The following SLC17A7 variants were observed in gnomAD, a reference collection of about 807,000 sequenced individuals.
The protein encoded by SLC17A7 is vesicular glutamate transporter 1.
In SLC17A7, 15 loss-of-function variants were observed where a neutral mutation model predicts 59.1. That is an observed-to-expected ratio of 0.25 (90% CI 0.17 to 0.39). The LOEUF (loss-of-function observed/expected upper bound fraction) is 0.39, where lower values mean the gene tolerates loss of function less well. SLC17A7 is among the 10% of genes least tolerant of loss of function. The pLI is 1.00. For synonymous variants in SLC17A7, 353 were observed against 308.9 expected (o/e 1.14, Z -1.50); for missense variants, 499 against 765.1 (o/e 0.65, Z 4.10).
intron 3 of SLC17A7, 71 bp downstream of exon 3, chr19:49,435,097 T>G: frequency 7.9e-7 from 1 of 1,264,074 alleles, no homozygotes; most frequent in Non-Finnish European, 1.1e-6. Context: ...GCCCGCAAAT[T>G]CAAGACCACG....
chr19:49,433,434 C>T lies in SLC17A7; in HGVS notation c.867+292G>A. The stretch of plus-strand genomic sequence containing the variant: ...ATCAAAAATGCTCCCAAAATACAGC[C>T]TCAACTCAAGGTCTAAGCAAAACCC... On this transcript the variant is annotated intron_variant, in intron 7 of 11. Coordinates refer to ENST00000221485, the MANE Select transcript of SLC17A7 (RefSeq NM_020309.4). This position sits in a 1 kb window ranked among gnomAD's most constrained non-coding sequence, Gnocchi z 5.7. 1 of 518,304 alleles carries T rather than the reference C, an allele frequency of 1.9e-6. No homozygotes were observed. The highest frequency in any genetic ancestry group is 3.5e-6 in the Non-Finnish European group (1 of 283,078). 32.1% of individuals were successfully genotyped at this position (518,304 alleles called of 1,614,324 possible).
rs1470164149 is a variant in SLC17A7, at chr19:49,432,939, G to A, written c.889C>T (p.Arg297Cys). ...PLTKFSTPWR[R>C]FFTSMPVYAI... is the part of the protein sequence containing the mutation. ...TAGACTGGCATAGACGTGAAGAAGC[G>A]CCGCCAGGGAGTGCTAAACTTCTGT... Residue 297 changes from arginine (R) to cysteine (C), a missense_variant, in exon 8 of 12, where the codon CGC becomes TGC. By Grantham distance (180) the Arg-to-Cys change is radical (BLOSUM62 -3). Coordinates refer to ENST00000221485, the MANE Select transcript of SLC17A7 (RefSeq NM_020309.4). 1.3e-5 allele frequency: 21 copies of A among 1,607,658 alleles called. No homozygotes were observed. The highest frequency in any genetic ancestry group is 1.8e-5 in the Non-Finnish European group (21 of 1,177,322).
rs564487879 is a variant in SLC17A7, at chr19:49,441,214, C to T, written c.62+104G>A. 6 of 1,527,468 alleles carry T rather than the reference C, an allele frequency of 3.9e-6. No homozygotes were observed. The South Asian group carries it at 7.1e-5, about 18-fold the overall frequency. The allele number at this position is 1,527,468 out of a possible 1,614,324, so 94.6% of individuals were successfully genotyped here. A position where few individuals can be genotyped will look rare whatever the true frequency, so the allele number is the denominator to read the frequency against. On this transcript the variant is annotated intron_variant, in intron 1 of 11. Coordinates refer to ENST00000221485, the MANE Select transcript of SLC17A7 (RefSeq NM_020309.4). ...AAAACTGGACAGATGGGTGGACCCC[C>T]ATGCCGGGGTATCGCCCGTTCATCT...
Position 49,431,845 on chromosome 19 carries a change from C to T in SLC17A7, c.1151-397G>A, listed in dbSNP as rs888069483. On this transcript the variant is annotated intron_variant, in intron 9 of 11. Transcript: ENST00000221485. This position sits in a 1 kb window ranked among gnomAD's most constrained non-coding sequence, Gnocchi z 4.6. ...TAAGAGACAAAGTCTCACGACGTTG[C>T]CCAGGCTGGTCTCAAACTCCTGAGC... Among the ~76,000 whole-genome samples, 1 of 152,020 alleles carries T rather than the reference C, an allele frequency of 6.6e-6. No individual in the cohort carries two copies. The highest frequency in any genetic ancestry group is 1.5e-5 in the Non-Finnish European group (1 of 68,006).
In SLC17A7 at chr19:49,436,737, T is replaced by C; in HGVS notation, c.127A>G (p.Thr43Ala). 1.2e-6 allele frequency: 2 copies of C among 1,610,380 alleles called. No homozygotes were observed. Among genetic ancestry groups the C allele is most frequent in the African/African-American group, 1.3e-5 (1 of 74,992 alleles). The part of the protein sequence containing the change: ...LELSADGRPV[T>A]TQTRDPPVVD... ...ACCGGCGGGTCCCGGGTCTGCGTGG[T>C]CACCGGGCGCCCATCCGCACTCAGC... Residue 43 changes from threonine to alanine, a missense_variant, in exon 2 of 12, where the codon ACC becomes GCC. This residue lies in a region of SLC17A7 where 78 missense variants were observed against 80.4 expected (regional missense o/e 0.97). Coordinates refer to ENST00000221485, the MANE Select transcript of SLC17A7 (RefSeq NM_020309.4). This position sits in a 1 kb window ranked among gnomAD's most constrained non-coding sequence, Gnocchi z 4.1.
chr19:49,430,593 G>A lies in SLC17A7; in HGVS notation c.1609C>T (p.Pro537Ser). 6.2e-7 allele frequency: 1 copy of A among 1,612,500 alleles called. No homozygotes were observed. Among genetic ancestry groups the A allele is most frequent in the Non-Finnish European group, 8.5e-7 (1 of 1,179,094 alleles). Residue 537 changes from proline to serine, a missense_variant, in exon 12 of 12, where the codon CCC (proline) becomes TCC (serine). Pro to Ser is a moderately conservative substitution (Grantham distance 74). Transcript: ENST00000221485. ...EAEPPGAPPA[P>S]PPSYGATHST... ...TGTGTGGCCCCATAGGAGGGCGGGGGTGCAGGGGGTGCCCCCGGGGGCTCA... is the reference window on the plus strand; with the variant it reads ...TGTGTGGCCCCATAGGAGGGCGGGGATGCAGGGGGTGCCCCCGGGGGCTCA...
rs1286726255 is a variant in SLC17A7, at chr19:49,433,905, G to T, written c.725-37C>A. The T allele has an allele frequency of 6.2e-7, 1 of 1,612,802 alleles. No homozygotes were observed. The highest frequency in any genetic ancestry group is 1.3e-5 in the African/African-American group (1 of 74,854). Reference sequence around the variant, plus strand: ...AGGAGGGGGATGGGAGCGAGGTGAGGACCGGCCCCGCTCCGCCCCAGCGCC... The same window carrying T: ...AGGAGGGGGATGGGAGCGAGGTGAGTACCGGCCCCGCTCCGCCCCAGCGCC... On this transcript the variant is annotated intron_variant, in intron 6 of 11. Coordinates refer to ENST00000221485, the MANE Select transcript of SLC17A7 (RefSeq NM_020309.4). This position sits in a 1 kb window ranked among gnomAD's most constrained non-coding sequence, Gnocchi z 5.7.
rs1290608009 is a variant in SLC17A7, at chr19:49,434,788, T to A, written c.529A>T (p.Ile177Phe). ...VHYGCVIFVR[I>F]LQGLVEGVTY... ...TTTACCTCTACCAACCCCTGCAGGA[T>A]CCTCACGAAGATGACACAGCCATAG... The change falls in exon 4 of 12, where the codon ATC becomes TTC. Residue 177 changes from isoleucine (I) to phenylalanine (F), a missense_variant. By Grantham distance (21) the Ile-to-Phe change is conservative. Transcript: ENST00000221485. 6.2e-7 allele frequency: 1 copy of A among 1,614,010 alleles called. No homozygotes were observed. Among genetic ancestry groups the A allele is most frequent in the South Asian group, 1.1e-5 (1 of 91,078 alleles).
chr19:49,432,427 G>A, intron 9 of SLC17A7, 92 bp downstream of exon 9: 1 of 1,486,262 alleles, frequency 6.7e-7, no homozygotes, highest in African/African-American at 1.4e-5. Flanking sequence ...AGGCTGGATG[G>A]TTTCCGCCTG....
rs1374351083 is a variant in SLC17A7, at chr19:49,431,483, G to T, written c.1151-35C>A. 3 of 1,575,044 alleles carry T rather than the reference G, an allele frequency of 1.9e-6. No individual in the cohort carries two copies. Among genetic ancestry groups the T allele is most frequent in the South Asian group, 2.2e-5 (2 of 89,944 alleles). On this transcript the variant is annotated intron_variant, in intron 9 of 11. Transcript: ENST00000221485. The surrounding 1 kb of genome is among the most constrained non-coding windows in gnomAD (Gnocchi z 4.6). Reference sequence around the variant, plus strand: ...CGGGGGGGGCCCGCGTCTCCTGAGTGTCGGCCGGAGCAAGGCGCAGGCTGC... The same window carrying T: ...CGGGGGGGGCCCGCGTCTCCTGAGTTTCGGCCGGAGCAAGGCGCAGGCTGC...
chr19:49,433,083 A>G lies in SLC17A7; in HGVS notation c.868-123T>C, dbSNP rs1443328452. 28 of 1,084,332 alleles carry G rather than the reference A, an allele frequency of 2.6e-5. No homozygotes were observed. The highest frequency in any genetic ancestry group is 3.6e-5 in the Non-Finnish European group (27 of 756,708). The allele number at this position is 1,084,332 out of a possible 1,614,324, so 67.2% of individuals were successfully genotyped here. ...GGATCCCGACCGCACTGAAACTTCT[A>G]TGGACCCAAAGGCGCGGGCTACACC... On this transcript the variant is annotated intron_variant, in intron 7 of 11. Coordinates refer to ENST00000221485, the MANE Select transcript of SLC17A7 (RefSeq NM_020309.4). The surrounding 1 kb of genome is among the most constrained non-coding windows in gnomAD (Gnocchi z 5.7).
Position 49,430,034 on chromosome 19 carries a change from T to G in SLC17A7, c.*485A>C. The G allele has an allele frequency of 6.2e-6, 1 of 162,140 alleles. No individual in the cohort carries two copies. The allele number at this position is 162,140 out of a possible 1,614,324, so 10.0% of individuals were successfully genotyped here. ...TCCCTGGAATGGCGGGGACGAGTAA[T>G]TGGTTAAACCAATCTGGAAGATGCA... On this transcript the variant is annotated 3_prime_UTR_variant, in exon 12 of 12. Coordinates refer to ENST00000221485, the MANE Select transcript of SLC17A7 (RefSeq NM_020309.4).
chr19:49,433,689 C>A lies in SLC17A7; in HGVS notation c.867+37G>T, dbSNP rs774499376. 5 of 1,614,016 alleles carry A rather than the reference C, an allele frequency of 3.1e-6. No individual in the cohort carries two copies. The South Asian group carries it at 4.4e-5, about 14-fold the overall frequency. The stretch of plus-strand genomic sequence containing the variant: ...GCTGTGCAGGTTCGTGGCTTGCTAT[C>A]TCTCCCCGCCCCTTCCCCGAAGATT... On this transcript the variant is annotated intron_variant, in intron 7 of 11. Transcript: ENST00000221485. The surrounding 1 kb of genome is among the most constrained non-coding windows in gnomAD (Gnocchi z 5.7).
In SLC17A7 at chr19:49,433,968, T is replaced by C. The variant is rs2078970848; in HGVS notation, c.716A>G (p.Tyr239Cys). 6.2e-7 allele frequency: 1 copy of C among 1,613,282 alleles called. No homozygotes were observed. Among genetic ancestry groups the C allele is most frequent in the Non-Finnish European group, 8.5e-7 (1 of 1,179,860 alleles). Residue 239 changes from tyrosine (Y) to cysteine (C), a missense_variant, in exon 6 of 12, where the codon TAC becomes TGC. Transcript: ENST00000221485. The surrounding 1 kb of genome is among the most constrained non-coding windows in gnomAD (Gnocchi z 5.7). ...VQYSGWSSVF[Y>C]VYGSFGIFWY... The stretch of plus-strand genomic sequence containing the variant: ...GCATCCGGGTCCCTCACCGTAGACG[T>C]AGAAAACAGAGCTCCATCCTGAGTA...
In SLC17A7 at chr19:49,436,709, A is replaced by G. The variant is rs1378833791; in HGVS notation, c.155T>C (p.Val52Ala). ...AGGGAGGCCGAAGCAGGTGCAGTCCACCACCGGCGGGTCCCGGGTCTGCGT... is the reference window on the plus strand; with the variant it reads ...AGGGAGGCCGAAGCAGGTGCAGTCCGCCACCGGCGGGTCCCGGGTCTGCGT... The part of the protein sequence containing the change: ...VTTQTRDPPV[V>A]DCTCFGLPRR... Residue 52 changes from valine to alanine, a missense_variant, in exon 2 of 12, where the codon GTG (valine) becomes GCG (alanine). Physicochemically the swap from Val to Ala is moderately conservative, Grantham distance 64. Coordinates refer to ENST00000221485, the MANE Select transcript of SLC17A7 (RefSeq NM_020309.4). The surrounding 1 kb of genome is among the most constrained non-coding windows in gnomAD (Gnocchi z 4.1). The G allele has an allele frequency of 6.2e-7, 1 of 1,613,258 alleles. No homozygotes were observed. The highest frequency in any genetic ancestry group is 1.7e-5 in the Admixed American group (1 of 60,026).
chr19:49,436,281 T>A lies in SLC17A7; in HGVS notation c.315+268A>T, dbSNP rs1283469981. 10 of 527,196 alleles carry A rather than the reference T, an allele frequency of 1.9e-5. No homozygotes were observed. In the East Asian group the frequency reaches 3.1e-4, roughly 16 times the overall value. The allele number at this position is 527,196 out of a possible 1,614,324, so 32.7% of individuals were successfully genotyped here. A position where few individuals can be genotyped will look rare whatever the true frequency, so the allele number is the denominator to read the frequency against. On this transcript the variant is annotated intron_variant, in intron 2 of 11. Coordinates refer to ENST00000221485, the MANE Select transcript of SLC17A7 (RefSeq NM_020309.4). This position sits in a 1 kb window ranked among gnomAD's most constrained non-coding sequence, Gnocchi z 4.1. ...GGGCAGGGGCAACCCCTAGGGAACC[T>A]GATGTTGGGGCGGACTCTACATTTT... is the stretch of plus-strand genomic sequence containing the variant.
At position 49,433,519 on chromosome 19, in the gene SLC17A7, GC is replaced by G. The variant is rs761919420; in HGVS notation, c.867+206del. 2.8e-6 allele frequency: 2 copies of G among 720,792 alleles called. No homozygotes were observed. Among genetic ancestry groups the G allele is most frequent in the South Asian group, 3.0e-5 (2 of 67,032 alleles). 44.6% of individuals were successfully genotyped at this position (720,792 alleles called of 1,614,324 possible). A position where few individuals can be genotyped will look rare whatever the true frequency, so the allele number is the denominator to read the frequency against. On this transcript the variant is annotated intron_variant, in intron 7 of 11. Transcript: ENST00000221485. This position sits in a 1 kb window ranked among gnomAD's most constrained non-coding sequence, Gnocchi z 5.7. ...ATGCCCTGTCAGTGGTTCTAATCCT[GC>G]TCAACTCCCGACCTAACCCTGCCCC... is the stretch of plus-strand genomic sequence containing the variant.
intron 1 of SLC17A7, among the ~76,000 whole-genome samples, chr19:49,439,493 A>G (rs2078991863): frequency 6.6e-6 from 1 of 152,136 alleles, no homozygotes; most frequent in South Asian, 2.1e-4. Context: ...CAGCTGTGGC[A>G]TCACTCTTCT....
Position 49,433,045 on chromosome 19 carries a change from T to C in SLC17A7, c.868-85A>G, listed in dbSNP as rs1461852168. The C allele has an allele frequency of 7.2e-7, 1 of 1,388,796 alleles. No homozygotes were observed. Among genetic ancestry groups the C allele is most frequent in the African/African-American group, 1.4e-5 (1 of 69,476 alleles). 86.0% of individuals were successfully genotyped at this position (1,388,796 alleles called of 1,614,324 possible). ...CCCTTCAGGGACCACAGTGTAGTTCTGCAGAAACCAAAGGATCCCGACCGC... is the reference window on the plus strand; with the variant it reads ...CCCTTCAGGGACCACAGTGTAGTTCCGCAGAAACCAAAGGATCCCGACCGC... On this transcript the variant is annotated intron_variant, in intron 7 of 11. Transcript: ENST00000221485. The surrounding 1 kb of genome is among the most constrained non-coding windows in gnomAD (Gnocchi z 5.7).
Sources: gnomAD v4.1 joint callset for allele counts (sites outside exome capture counted in the v4.1 genomes callset) on GRCh38, gnomAD v4.1.1 for gene constraint, gnomAD v4.1.1 regional missense constraint, Gnocchi (gnomAD v3.1) non-coding constraint, MANE v1.5 for transcripts, NCBI Gene and HGNC (gene_info 2026-07-23, HGNC 2026-07-21) for gene names.